The following ADAMTS19 variants were observed in gnomAD, a reference collection of about 807,000 sequenced individuals.
ADAMTS19 encodes ADAM metallopeptidase with thrombospondin type 1 motif 19.
Under a neutral mutation model 153.3 loss-of-function variants are expected in ADAMTS19, and 93 were observed. The observed-to-expected ratio is 0.61, with a 90% CI of 0.51 to 0.72. The LOEUF is 0.72. ADAMTS19 is among the 30% of genes least tolerant of loss of function. The probability of loss-of-function intolerance (pLI) is 0.00; values close to 1 mark genes in which losing one functional copy is unlikely to be tolerated. For synonymous variants in ADAMTS19, 600 were observed against 556.6 expected, an observed-to-expected ratio of 1.08 and a Z score of -1.10; for missense variants, 1,482 against 1,552.1, an observed-to-expected ratio of 0.95 and a Z score of 0.76.
At chr5:129,508,980 A>G (rs574254958) in intron 2 of ADAMTS19, 97 bp from the exon 3 acceptor site, 62 of 1,023,052 alleles carry the variant, frequency 6.1e-5, no homozygotes, top group Admixed American at 3.7e-4. Flanking sequence ...GACTGTATGC[A>G]TGTTTGTTAA....
chr5:129,476,242 A>C (rs1750221648), intron 2 of ADAMTS19, among the ~76,000 whole-genome samples: 2 of 152,192 alleles, frequency 1.3e-5, no homozygotes, highest in Non-Finnish European at 2.9e-5. Context: ...ATTTCAAACC[A>C]CTAACAAGAT....
intron 15 of ADAMTS19, among the ~76,000 whole-genome samples, chr5:129,661,863 G>A (rs1209114785): frequency 6.6e-6 from 1 of 152,092 alleles, no homozygotes; most frequent in African/African-American, 2.4e-5. Context: ...TTGCGTGTTT[G>A]GTTGTTTGCC....
rs147230858 is a variant in ADAMTS19 at position 129,491,624 on chromosome 5, C to A, written c.748-17453C>A. ...TATATTGTACATATTTTCTTCCTGT[C>A]TGCCAAATTTATGACTGTTTTGTCA... On this transcript the variant is annotated intron_variant, in intron 2 of 22. Transcript: ENST00000274487. 4.8e-3 allele frequency among the ~76,000 whole-genome samples: 732 copies of A among 152,228 alleles called. 4 individuals are homozygous for A. The highest frequency in any genetic ancestry group is 6.8e-3 in the Non-Finnish European group (460 of 68,004).
intron 2 of ADAMTS19, among the ~76,000 whole-genome samples, chr5:129,473,255 C>T (rs1447647356): frequency 1.3e-5 from 2 of 150,518 alleles, no homozygotes; most frequent in Non-Finnish European, 2.9e-5. Context: ...ATCAGCTAAT[C>T]AGATTAATGC....
intron 9 of ADAMTS19, 118 bp downstream of exon 9, chr5:129,620,876 T>C (rs1236675258): frequency 1.9e-6 from 2 of 1,057,176 alleles, no homozygotes; most frequent in East Asian, 2.7e-5. Context: ...CTGAAGGTAC[T>C]TGGTTCCAAT....
chr5:129,679,712 A>T, intron 16 of ADAMTS19, 52 bp from the exon 17 acceptor site: 1 of 1,408,826 alleles, frequency 7.1e-7, no homozygotes, highest in Non-Finnish European at 9.6e-7. Flanking sequence ...GTAGATGTTG[A>T]TCAATGAAGC....
intron 7 of ADAMTS19, among the ~76,000 whole-genome samples, chr5:129,582,257 T>C (rs1406519162): frequency 6.6e-6 from 1 of 151,100 alleles, no homozygotes; most frequent in Non-Finnish European, 1.5e-5. Context: ...TCTAAGAACT[T>C]GCTTTATGAA....
chr5:129,506,203 T>G (rs1751264745), intron 2 of ADAMTS19, among the ~76,000 whole-genome samples: 2 of 152,144 alleles, frequency 1.3e-5, no homozygotes, highest in Non-Finnish European at 2.9e-5. Flanking sequence ...GCCAGTATCT[T>G]GAATGACACA....
intron 10 of ADAMTS19, among the ~76,000 whole-genome samples, chr5:129,624,338 T>C (rs2126985070): frequency 6.6e-6 from 1 of 152,222 alleles, no homozygotes; most frequent in African/African-American, 2.4e-5. Flanking sequence ...TAACCTCCAC[T>C]CTGCTTTCAC....
intron 21 of ADAMTS19, among the ~76,000 whole-genome samples, chr5:129,722,835 T>A (rs1757059902): frequency 6.6e-6 from 1 of 152,216 alleles, no homozygotes; most frequent in Non-Finnish European, 1.5e-5. Context: ...TCCTGTCTCA[T>A]TCATCTTTTG....
chr5:129,557,211 A>G (rs1753343961), intron 7 of ADAMTS19, among the ~76,000 whole-genome samples: 1 of 152,200 alleles, frequency 6.6e-6, no homozygotes, highest in Admixed American at 6.5e-5. Flanking sequence ...AACAAACATG[A>G]TTAATTATAG....
intron 7 of ADAMTS19, among the ~76,000 whole-genome samples, chr5:129,567,675 G>C (rs143684250): frequency 7.2e-5 from 11 of 152,006 alleles, no homozygotes; most frequent in Admixed American, 7.2e-4. Context: ...AAAAAAGATT[G>C]GGAAAACAAT....
chr5:129,606,234 A>T lies in ADAMTS19; in HGVS notation c.1478+9570A>T, dbSNP rs182065157. 2.2e-4 allele frequency among the ~76,000 whole-genome samples: 34 copies of T among 152,224 alleles called. No homozygotes were observed. The East Asian group carries it at 5.6e-3, about 25-fold the overall frequency. ...TTTGGAATCAATAACATTTACATAC[A>T]CACTTACTTCTCTGGAAATTGCGCC... is the stretch of plus-strand genomic sequence containing the variant. On this transcript the variant is annotated intron_variant, in intron 8 of 22. Coordinates refer to ENST00000274487, the MANE Select transcript of ADAMTS19 (RefSeq NM_133638.6).
chr5:129,655,385 T>G lies in ADAMTS19; in HGVS notation c.2304+952T>G, dbSNP rs1753502479. On this transcript the variant is annotated intron_variant, in intron 14 of 22. Coordinates refer to ENST00000274487, the MANE Select transcript of ADAMTS19 (RefSeq NM_133638.6). ...AGGTTTCCTTAGTCTAGATAGTTTC[T>G]GATAAACCTTCCAGAAGCAGGAAAG... Among the ~76,000 whole-genome samples, 3 of 152,208 alleles carry G rather than the reference T, an allele frequency of 2.0e-5. No individual in the cohort carries two copies. In the South Asian group the frequency reaches 6.2e-4, roughly 32 times the overall value.
chr5:129,673,944 C>T (rs904799686), intron 16 of ADAMTS19, among the ~76,000 whole-genome samples: 3 of 152,034 alleles, frequency 2.0e-5, no homozygotes, highest in African/African-American at 7.2e-5. Flanking sequence ...AATAATATGG[C>T]CATTGGCCGG....
intron 3 of ADAMTS19, among the ~76,000 whole-genome samples, chr5:129,512,692 G>GCACT (rs1315969245): frequency 1.3e-5 from 2 of 151,820 alleles, no homozygotes; most frequent in East Asian, 3.9e-4. Context: ...TCACCAGCTG[G>GCACT]GACACTGAGG....
At chr5:129,725,889 A>T (rs1041444025) in intron 21 of ADAMTS19, among the ~76,000 whole-genome samples, 1 of 152,134 alleles carries the variant, frequency 6.6e-6, no homozygotes, top group African/African-American at 2.4e-5. Flanking sequence ...AAATTATCTC[A>T]TGTGTACCCA....
intron 10 of ADAMTS19, among the ~76,000 whole-genome samples, chr5:129,631,542 T>A (rs1019554012): frequency 1.3e-5 from 2 of 152,000 alleles, no homozygotes; most frequent in Non-Finnish European, 2.9e-5. Context: ...ATACAGTTAT[T>A]ATTGTTATGT....
intron 21 of ADAMTS19, among the ~76,000 whole-genome samples, chr5:129,708,149 C>T (rs2127174503): frequency 6.6e-6 from 1 of 152,216 alleles, no homozygotes; most frequent in South Asian, 2.1e-4. Context: ...AAGGTATATG[C>T]AAAGAGTGAA....
Sources: allele counts gnomAD v4.1 joint callset (sites outside exome capture counted in the v4.1 genomes callset), GRCh38; gene constraint gnomAD v4.1.1; transcripts MANE v1.5; gene names NCBI Gene and HGNC (gene_info 2026-07-23, HGNC 2026-07-21).